Variants in TMEM233 observed in about 807,000 individuals in gnomAD.
TMEM233 encodes the protein transmembrane protein 233.
In TMEM233, 6 loss-of-function variants were observed where a neutral mutation model predicts 11.2. That is an observed-to-expected ratio of 0.54 (90% CI 0.29 to 1.06). The LOEUF (loss-of-function observed/expected upper bound fraction) is 1.06, where lower values mean the gene tolerates loss of function less well. Among genes scored for constraint, TMEM233 ranks in the 50% least tolerant of loss-of-function variants. The pLI, the probability that TMEM233 is intolerant of heterozygous loss-of-function variation, is 0.08. For missense variants in TMEM233, 127 were observed against 144.7 expected (o/e 0.88, Z 0.63); for synonymous variants, 59 against 55.8 (o/e 1.06, Z -0.26).
chr12:119,641,947 T>G lies in TMEM233; in HGVS notation c.*1242T>G, dbSNP rs1158261659. ...CTGTCTAGATAGAATTTAATGATAT[T>G]GTTTTGTGTCATGGTATTTATTTTA... On this transcript the variant is annotated 3_prime_UTR_variant, in exon 3 of 3. Transcript: ENST00000426426. 6.6e-6 allele frequency: 1 copy of G among 152,328 alleles called. No homozygotes were observed. Among genetic ancestry groups the G allele is most frequent in the Non-Finnish European group, 1.5e-5 (1 of 68,032 alleles). The allele number at this position is 152,328 out of a possible 1,614,324, so 9.4% of individuals were successfully genotyped here. A position where few individuals can be genotyped will look rare whatever the true frequency, so the allele number is the denominator to read the frequency against.
At chr12:119,627,163 T>C (rs145742561) in intron 1 of TMEM233, among the ~76,000 whole-genome samples, 5 of 152,348 alleles carry the variant, frequency 3.3e-5, no homozygotes, top group Admixed American at 6.5e-5. Context: ...GGCATGGAGA[T>C]GAAAAATTCA....
chr12:119,616,025 T>C (rs576912767), intron 1 of TMEM233, among the ~76,000 whole-genome samples: 5 of 152,272 alleles, frequency 3.3e-5, no homozygotes, highest in Admixed American at 6.5e-5. Flanking sequence ...GTGTCATGTG[T>C]CCATCCAGGG....
rs1954704468 is a variant in TMEM233 at position 119,624,169 on chromosome 12, G to A, written c.187-5567G>A. On this transcript the variant is annotated intron_variant, in intron 1 of 2. Transcript: ENST00000426426. Reference sequence around the variant, plus strand: ...GTTTGAAACCAGCCTGGGCAACATGGCAAAACCCCATCTCTACCAAAAATT... The same window carrying A: ...GTTTGAAACCAGCCTGGGCAACATGACAAAACCCCATCTCTACCAAAAATT... Among the ~76,000 whole-genome samples, 3 of 151,668 alleles carry A rather than the reference G, an allele frequency of 2.0e-5. No individual in the cohort carries two copies. The South Asian group carries it at 6.3e-4, about 32-fold the overall frequency.
At chr12:119,612,822 A>G (rs535719516) in intron 1 of TMEM233, among the ~76,000 whole-genome samples, 5 of 151,590 alleles carry the variant, frequency 3.3e-5, no homozygotes, top group Admixed American at 3.3e-4. Context: ...TAGGAGACTG[A>G]GGTGGGAGGA....
chr12:119,612,475 G>A (rs184247841), intron 1 of TMEM233, among the ~76,000 whole-genome samples: 5 of 152,260 alleles, frequency 3.3e-5, no homozygotes, highest in Admixed American at 1.3e-4. Context: ...TTGGCTGGGC[G>A]AAGTGGTTCA....
rs373090175 is a variant in TMEM233 at position 119,630,826 on chromosome 12, C to T, written c.323+954C>T. Among the ~76,000 whole-genome samples the T allele has an allele frequency of 4.6e-5, 7 of 152,226 alleles. No homozygotes were observed. In the East Asian group the frequency reaches 1.3e-3, roughly 29 times the overall value. On this transcript the variant is annotated intron_variant, in intron 2 of 2. Transcript: ENST00000426426. The stretch of plus-strand genomic sequence containing the variant: ...GATTGCTATTTGCTCTGCCCTAGCA[C>T]ATCATCTGCTAAATAAACTCCTACT...
intron 2 of TMEM233, among the ~76,000 whole-genome samples, chr12:119,634,994 A>C (rs1296473613): frequency 6.6e-6 from 1 of 152,228 alleles, no homozygotes; most frequent in African/African-American, 2.4e-5. Flanking sequence ...ACAGCAGGGA[A>C]TTGTTCTTGT....
At chr12:119,631,546 A>G in intron 2 of TMEM233, 1 of 985,444 alleles carries the variant, frequency 1.0e-6, no homozygotes, top group East Asian at 1.1e-4. Context: ...TGCCTGCAGG[A>G]TGGCAAATTT....
intron 1 of TMEM233, among the ~76,000 whole-genome samples, chr12:119,596,550 G>A (rs1954052397): frequency 7.0e-6 from 1 of 142,106 alleles, no homozygotes; most frequent in Admixed American, 7.3e-5. Context: ...GGAGTGCAGT[G>A]GCACAATCTC....
Position 119,593,946 on chromosome 12 carries a change from T to C in TMEM233, c.98T>C (p.Met33Thr). ...GACAAGACCGAGGAGGACGTGCCCA[T>C]GCCCAAGAACTACCTGTGGCTCACC... ...EDDKTEEDVP[M>T]PKNYLWLTIV... is the part of the protein sequence containing the mutation. The change falls in exon 1 of 3, where the codon ATG becomes ACG. Residue 33 changes from methionine to threonine, a missense_variant. Coordinates refer to ENST00000426426, the MANE Select transcript of TMEM233 (RefSeq NM_001136534.3). The surrounding 1 kb of genome is among the most constrained non-coding windows in gnomAD (Gnocchi z 4.1). 1.9e-6 allele frequency: 3 copies of C among 1,551,758 alleles called. No homozygotes were observed. The highest frequency in any genetic ancestry group is 2.4e-5 in the East Asian group (1 of 40,922).
chr12:119,647,333 T>C (rs1955167020), downstream of TMEM233, among the ~76,000 whole-genome samples: 1 of 152,256 alleles, frequency 6.6e-6, no homozygotes, highest in Admixed American at 6.5e-5. Flanking sequence ...GGTGTCTCTT[T>C]TGTAGTTAAG....
In TMEM233 at chr12:119,594,063, G is replaced by A. The variant is rs1404056312; in HGVS notation, c.186+29G>A. 2 of 1,548,914 alleles carry A rather than the reference G, an allele frequency of 1.3e-6. No homozygotes were observed. The highest frequency in any genetic ancestry group is 1.7e-6 in the Non-Finnish European group (2 of 1,145,436). ...AGTGAATCACGGCCAGAGGCAGCCT[G>A]GGAGGAGAGACCCGGGCGGCTTTGA... On this transcript the variant is annotated intron_variant, in intron 1 of 2. Transcript: ENST00000426426. The surrounding 1 kb of genome is among the most constrained non-coding windows in gnomAD (Gnocchi z 5.6).
chr12:119,618,349 C>T (rs1786344015), intron 1 of TMEM233, among the ~76,000 whole-genome samples: 1 of 152,242 alleles, frequency 6.6e-6, no homozygotes, highest in Admixed American at 6.5e-5. Context: ...AGCCTCCACA[C>T]AAGGTCCCCA....
chr12:119,601,303 A>T (rs914348073), intron 1 of TMEM233, among the ~76,000 whole-genome samples: 28 of 152,276 alleles, frequency 1.8e-4, no homozygotes, highest in Admixed American at 3.9e-4. Flanking sequence ...AGGAAACATT[A>T]TTAATCCACA....
chr12:119,639,781 G>T (rs1955045425), intron 2 of TMEM233, among the ~76,000 whole-genome samples: 2 of 152,132 alleles, frequency 1.3e-5, no homozygotes, highest in African/African-American at 4.8e-5. Context: ...TAATAACAGT[G>T]CCTATCTCAT....
chr12:119,639,751 T>C (rs1233235101), intron 2 of TMEM233, among the ~76,000 whole-genome samples: 2 of 152,204 alleles, frequency 1.3e-5, no homozygotes, highest in Non-Finnish European at 1.5e-5. Flanking sequence ...GCCTCTGTTT[T>C]CTCATACATA....
intron 1 of TMEM233, among the ~76,000 whole-genome samples, chr12:119,624,405 A>G (rs1428757555): frequency 6.6e-6 from 1 of 152,170 alleles, no homozygotes; most frequent in African/African-American, 2.4e-5. Context: ...AGAGCAACTC[A>G]GCCATCTATC....
intron 2 of TMEM233, among the ~76,000 whole-genome samples, chr12:119,638,944 C>T (rs1955025022): frequency 6.6e-6 from 1 of 151,968 alleles, no homozygotes; most frequent in Non-Finnish European, 1.5e-5. Context: ...ATCTGGCTGC[C>T]ACCTCCCCAT....
intron 1 of TMEM233, among the ~76,000 whole-genome samples, chr12:119,610,525 G>A (rs1206092486): frequency 6.6e-6 from 1 of 152,186 alleles, no homozygotes; most frequent in African/African-American, 2.4e-5. Context: ...AGCCCCACCT[G>A]TCATGGGAGG....
Sources: gnomAD v4.1 joint callset for allele counts (sites outside exome capture counted in the v4.1 genomes callset) on GRCh38, gnomAD v4.1.1 for gene constraint, Gnocchi (gnomAD v3.1) non-coding constraint, MANE v1.5 for transcripts, NCBI Gene and HGNC (gene_info 2026-07-23, HGNC 2026-07-21) for gene names.